The following MAP6 variants were observed in gnomAD, a reference collection of about 807,000 sequenced individuals.
MAP6 encodes the protein microtubule associated protein 6.
Under a neutral mutation model 42.4 loss-of-function variants are expected in MAP6, and 26 were observed. The ratio of observed to expected loss-of-function variants is 0.61; its 90% CI spans 0.45 to 0.85. The LOEUF (loss-of-function observed/expected upper bound fraction) is 0.85. Among genes scored for constraint, MAP6 ranks in the 40% least tolerant of loss-of-function variants. The pLI is 0.00. For missense variants in MAP6, 966 were observed against 1,099.0 expected (o/e 0.88, Z 1.71); for synonymous variants, 418 against 443.8 (o/e 0.94, Z 0.73).
At chr11:75,611,032 G>A (rs1942887413) in intron 1 of MAP6, among the ~76,000 whole-genome samples, 1 of 152,076 alleles carries the variant, frequency 6.6e-6, no homozygotes, top group Admixed American at 6.5e-5. Context: ...CCTCCTTCCT[G>A]ACCTGACTTC....
intron 1 of MAP6, among the ~76,000 whole-genome samples, chr11:75,626,788 G>T (rs570069728): frequency 1.8e-4 from 28 of 152,142 alleles, no homozygotes; most frequent in Non-Finnish European, 3.8e-4. Context: ...TACTCATCTA[G>T]GGCCTCAGAG....
chr11:75,607,544 G>T, intron 2 of MAP6: 1 of 985,454 alleles, frequency 1.0e-6, no homozygotes, highest in Non-Finnish European at 1.2e-6. Context: ...AACAAATGCT[G>T]GGAACATATA....
At chr11:75,615,932 A>AG (rs1942986992) in intron 1 of MAP6, among the ~76,000 whole-genome samples, 1 of 87,588 alleles carries the variant, frequency 1.1e-5, no homozygotes, top group African/African-American at 4.6e-5. Flanking sequence ...AGAGGGAGGG[A>AG]GGGAGCCAAC....
At chr11:75,642,933 G>T in intron 1 of MAP6, 1 of 451,964 alleles carries the variant, frequency 2.2e-6, no homozygotes, top group South Asian at 1.7e-5. Flanking sequence ...TAAATGTTCT[G>T]GTTAAAAAAA....
intron 1 of MAP6, among the ~76,000 whole-genome samples, chr11:75,629,964 T>A (rs1274586736): frequency 6.6e-6 from 1 of 152,098 alleles, no homozygotes; most frequent in East Asian, 1.9e-4. Context: ...CCACAATAAG[T>A]AACTACAGCA....
At chr11:75,645,845 C>A (rs1445756402) in intron 1 of MAP6, among the ~76,000 whole-genome samples, 1 of 151,382 alleles carries the variant, frequency 6.6e-6, no homozygotes, top group Non-Finnish European at 1.5e-5. Context: ...GAAAATTTCC[C>A]AGAATGAAGC....
chr11:75,654,423 G>A (rs1943701824), intron 1 of MAP6, among the ~76,000 whole-genome samples: 1 of 152,150 alleles, frequency 6.6e-6, no homozygotes, highest in African/African-American at 2.4e-5. Context: ...TCAGGAAGTG[G>A]TTCATGACTC....
At chr11:75,633,340 G>A (rs1361408311) in intron 1 of MAP6, among the ~76,000 whole-genome samples, 4 of 152,132 alleles carry the variant, frequency 2.6e-5, no homozygotes, top group African/African-American at 9.7e-5. Context: ...CGGATACTCT[G>A]GGCAAACTTA....
At chr11:75,653,004 C>A (rs1158035645) in intron 1 of MAP6, among the ~76,000 whole-genome samples, 1 of 152,092 alleles carries the variant, frequency 6.6e-6, no homozygotes, top group Non-Finnish European at 1.5e-5. Flanking sequence ...TCTCTCCCAC[C>A]CATATTACAT....
At chr11:75,628,994 C>G (rs1371533508) in intron 1 of MAP6, among the ~76,000 whole-genome samples, 1 of 152,184 alleles carries the variant, frequency 6.6e-6, no homozygotes, top group Non-Finnish European at 1.5e-5. Context: ...CACAGAGGCT[C>G]TGTGAGGTAA....
At chr11:75,616,317 A>C (rs1199780436) in intron 1 of MAP6, among the ~76,000 whole-genome samples, 1 of 152,150 alleles carries the variant, frequency 6.6e-6, no homozygotes, top group East Asian at 1.9e-4. Flanking sequence ...CTTCTTTATA[A>C]AATTTTTTTG....
At chr11:75,600,512 C>G (rs1452824254) in intron 3 of MAP6, among the ~76,000 whole-genome samples, 1 of 152,054 alleles carries the variant, frequency 6.6e-6, no homozygotes, top group Non-Finnish European at 1.5e-5. Context: ...AAACACATGC[C>G]CGGTTCTGTG....
chr11:75,646,985 C>CTTTT (rs34840251), intron 1 of MAP6, among the ~76,000 whole-genome samples: 1 of 146,438 alleles, frequency 6.8e-6, no homozygotes. Context: ...TAATTTGAAA[C>CTTTT]TTTTTTTTTT....
chr11:75,659,746 C>T (rs1943811016), intron 1 of MAP6, among the ~76,000 whole-genome samples: 1 of 152,184 alleles, frequency 6.6e-6, no homozygotes, highest in Admixed American at 6.5e-5. Context: ...AAAGCCAAAG[C>T]AGCATTGTAG....
chr11:75,628,603 A>T lies in MAP6; in HGVS notation c.906-20281T>A, dbSNP rs868564921. On this transcript the variant is annotated intron_variant, in intron 1 of 3. Coordinates refer to ENST00000304771, the MANE Select transcript of MAP6 (RefSeq NM_033063.2). ...AGCGGCAGGAGGGAGAAAAACATTC[A>T]CTTTAAATAGACTGACTACTTTGAC... Among the ~76,000 whole-genome samples, 39 of 152,332 alleles carry T rather than the reference A, an allele frequency of 2.6e-4. 2 individuals carry two copies. The highest frequency in any genetic ancestry group is 9.4e-4 in the African/African-American group (39 of 41,580).
rs1942391050 is a variant in MAP6 at position 75,587,850 on chromosome 11, G to A, written c.1651C>T (p.Gln551Ter). Residue 551 changes from glutamine to a stop codon, truncating the protein, a stop_gained, in exon 4 of 4, where the codon CAA becomes TAA. Coordinates refer to ENST00000304771, the MANE Select transcript of MAP6 (RefSeq NM_033063.2). LOFTEE classifies it low-confidence loss of function (END_TRUNC). Reference protein sequence around the residue: ...SPMVPAKVKDQGSVVPESLKD... With the variant: ...SPMVPAKVKD ...AGAGACTCTGGTACCACAGAGCCTTGATCCTTAACTTTTGCTGGAACCATA... is the reference window on the plus strand; with the variant it reads ...AGAGACTCTGGTACCACAGAGCCTTAATCCTTAACTTTTGCTGGAACCATA... The A allele has an allele frequency of 6.2e-7, 1 of 1,614,174 alleles. No homozygotes were observed. Among genetic ancestry groups the A allele is most frequent in the East Asian group, 2.2e-5 (1 of 44,874 alleles).
chr11:75,611,628 A>C lies in MAP6; in HGVS notation c.906-3306T>G, dbSNP rs139280397. ...AATGAGCCAAATAATAAAAAATGAA[A>C]AAATAAAAAATAAAAGAAAAAGAAC... On this transcript the variant is annotated intron_variant, in intron 1 of 3. Transcript: ENST00000304771. Among the ~76,000 whole-genome samples the C allele has an allele frequency of 3.3e-5, 5 of 152,378 alleles. No individual in the cohort carries two copies. The East Asian group carries it at 9.6e-4, about 29-fold the overall frequency.
chr11:75,593,338 T>G (rs992795660), intron 3 of MAP6, among the ~76,000 whole-genome samples: 1 of 152,252 alleles, frequency 6.6e-6, no homozygotes, highest in Non-Finnish European at 1.5e-5. Context: ...TCCAAGGTTA[T>G]ATGAGACATC....
chr11:75,633,937 C>T (rs1163869567), intron 1 of MAP6, among the ~76,000 whole-genome samples: 2 of 152,106 alleles, frequency 1.3e-5, no homozygotes, highest in Non-Finnish European at 2.9e-5. Context: ...GATGTAGCTC[C>T]GAGTGGCACG....
Sources: allele counts gnomAD v4.1 joint callset (sites outside exome capture counted in the v4.1 genomes callset), GRCh38; gene constraint gnomAD v4.1.1; transcripts MANE v1.5; gene names NCBI Gene and HGNC (gene_info 2026-07-23, HGNC 2026-07-21).